PPM1E: variants seen among roughly 807,000 people sequenced by gnomAD.
PPM1E encodes the protein protein phosphatase 1E.
In PPM1E, 20 loss-of-function variants were observed where a neutral mutation model predicts 65.9. That is an observed-to-expected ratio of 0.30 (90% CI 0.21 to 0.44). The LOEUF (loss-of-function observed/expected upper bound fraction) is 0.44, where lower values mean the gene tolerates loss of function less well. PPM1E is among the 20% of genes least tolerant of loss of function. PPM1E has a pLI of 1.00. For missense variants in PPM1E, 713 were observed against 953.1 expected, an observed-to-expected ratio of 0.75 and a Z score of 3.32; for synonymous variants, 352 against 374.9, an observed-to-expected ratio of 0.94 and a Z score of 0.70.
intron 2 of PPM1E, among the ~76,000 whole-genome samples, chr17:58,956,178 C>G (rs769500704): frequency 6.6e-6 from 1 of 152,098 alleles, no homozygotes; most frequent in Non-Finnish European, 1.5e-5. Flanking sequence ...GGCTCACACC[C>G]GTAATCCCAG....
intron 1 of PPM1E, among the ~76,000 whole-genome samples, chr17:58,819,921 C>T (rs1567843343): frequency 6.6e-6 from 1 of 151,934 alleles, no homozygotes; most frequent in Non-Finnish European, 1.5e-5. Flanking sequence ...CCCGTAATCC[C>T]AGCTACTTGG....
chr17:58,883,251 C>G (rs973782096), intron 1 of PPM1E, among the ~76,000 whole-genome samples: 6 of 151,904 alleles, frequency 3.9e-5, no homozygotes, highest in African/African-American at 1.4e-4. Flanking sequence ...AGCCACCGCG[C>G]CCGGCCTGTT....
At chr17:58,785,213 T>C (rs1028352393) in intron 1 of PPM1E, 1 of 151,924 alleles carries the variant, frequency 6.6e-6, no homozygotes, top group Non-Finnish European at 1.5e-5. Flanking sequence ...TAGCACCATA[T>C]GTTGGAAAAA....
chr17:58,800,895 A>T (rs2050252387), intron 1 of PPM1E, among the ~76,000 whole-genome samples: 1 of 151,990 alleles, frequency 6.6e-6, no homozygotes, highest in South Asian at 2.1e-4. Flanking sequence ...TGGCTTTATT[A>T]ATTTTTTCTG....
At chr17:58,901,042 A>G (rs963805321) in intron 1 of PPM1E, among the ~76,000 whole-genome samples, 23 of 152,216 alleles carry the variant, frequency 1.5e-4, no homozygotes, top group Non-Finnish European at 7.3e-5. Flanking sequence ...GCTAGTAAGT[A>G]GCAGATCCAA....
At position 58,755,958 on chromosome 17, in the gene PPM1E, C is replaced by T. The variant is rs759812621; in HGVS notation, c.-40C>T. ...AGCCCCTTACCCTTCCTGGGCTTCC[C>T]CCAACCCCTTTCCCGGTCTGCCCTG... On this transcript the variant is annotated 5_prime_UTR_variant, in exon 1 of 7. Transcript: ENST00000308249. 2.7e-5 allele frequency: 43 copies of T among 1,613,022 alleles called. No individual in the cohort carries two copies. Among genetic ancestry groups the T allele is most frequent in the Middle Eastern group, 1.7e-4 (1 of 6,056 alleles).
intron 1 of PPM1E, among the ~76,000 whole-genome samples, chr17:58,901,069 A>C (rs554304196): frequency 1.3e-5 from 2 of 152,320 alleles, no homozygotes; most frequent in Non-Finnish European, 2.9e-5. Context: ...TCCAAAATCC[A>C]GGCTTTTACC....
chr17:58,755,931 G>A lies in PPM1E; in HGVS notation c.-67G>A. 6.3e-7 allele frequency: 1 copy of A among 1,599,476 alleles called. No individual in the cohort carries two copies. The highest frequency in any genetic ancestry group is 8.5e-7 in the Non-Finnish European group (1 of 1,172,430). On this transcript the variant is annotated 5_prime_UTR_variant, in exon 1 of 7. Transcript: ENST00000308249. Reference sequence around the variant, plus strand: ...CCTTGCCGGAGCCCTAGGCTCAAAAGCAGCCCCTTACCCTTCCTGGGCTTC... The same window carrying A: ...CCTTGCCGGAGCCCTAGGCTCAAAAACAGCCCCTTACCCTTCCTGGGCTTC...
Position 58,965,764 on chromosome 17 carries a change from A to G in PPM1E, c.654A>G (p.Lys218=), listed in dbSNP as rs1200891105. 7 of 1,613,982 alleles carry G rather than the reference A, an allele frequency of 4.3e-6. No individual in the cohort carries two copies. The highest frequency in any genetic ancestry group is 5.1e-6 in the Non-Finnish European group (6 of 1,180,024). ...KLHEICCSWV[K]DFPLRRRPQL... ...ACGAGATTTGCTGCAGCTGGGTGAAAGACTTCCCCCTCCGCAGGAGACCCC... is the reference window on the plus strand; with the variant it reads ...ACGAGATTTGCTGCAGCTGGGTGAAGGACTTCCCCCTCCGCAGGAGACCCC... Residue 218 remains lysine (K), a synonymous_variant, in exon 3 of 7, where the codon AAA becomes AAG. Transcript: ENST00000308249.
intron 1 of PPM1E, among the ~76,000 whole-genome samples, chr17:58,935,141 C>T (rs900946955): frequency 1.3e-5 from 2 of 150,572 alleles, no homozygotes; most frequent in Non-Finnish European, 3.0e-5. Context: ...ATCCCAGCTA[C>T]TCAGGAGGCT....
At chr17:58,973,769 G>C (rs1339639150) in intron 6 of PPM1E, among the ~76,000 whole-genome samples, 2 of 151,942 alleles carry the variant, frequency 1.3e-5, no homozygotes, top group Non-Finnish European at 2.9e-5. Flanking sequence ...TGGCTAACAC[G>C]ATGAATCCCC....
intron 1 of PPM1E, chr17:58,785,258 C>T (rs545003229): frequency 8.6e-5 from 13 of 150,710 alleles, no homozygotes; most frequent in African/African-American, 2.7e-4. Context: ...TCCTGGCACT[C>T]GAATTTTTAG....
chr17:58,956,350 T>C (rs902897321), intron 2 of PPM1E, among the ~76,000 whole-genome samples: 1 of 151,462 alleles, frequency 6.6e-6, no homozygotes, highest in African/African-American at 2.4e-5. Flanking sequence ...GCAAGTGAAT[T>C]GGTTGAACCC....
rs1457198558 is a variant in PPM1E, at chr17:58,972,124, G to A, written c.973-8G>A. On this transcript the variant is annotated splice_region_variant and splice_polypyrimidine_tract_variant and intron_variant, in intron 4 of 6. Transcript: ENST00000308249. Reference sequence around the variant, plus strand: ...CACTGAGTCTAGTTTTATTTAAACTGTTTTCAGAGCTTAAGATGTGGGACC... The same window carrying A: ...CACTGAGTCTAGTTTTATTTAAACTATTTTCAGAGCTTAAGATGTGGGACC... 6.2e-7 allele frequency: 1 copy of A among 1,609,836 alleles called. No homozygotes were observed.
At chr17:58,935,995 C>CA (rs2051975315) in intron 1 of PPM1E, among the ~76,000 whole-genome samples, 1 of 150,572 alleles carries the variant, frequency 6.6e-6, no homozygotes, top group East Asian at 2.0e-4. Context: ...CAACAGTCCT[C>CA]AGAGTGTGAT....
chr17:58,758,074 A>C (rs2049786227), intron 1 of PPM1E, among the ~76,000 whole-genome samples: 1 of 152,236 alleles, frequency 6.6e-6, no homozygotes, highest in African/African-American at 2.4e-5. Context: ...TTGACAGTTA[A>C]TTCTTACCTT....
chr17:58,892,606 TAATA>T (rs1341691221), intron 1 of PPM1E, among the ~76,000 whole-genome samples: 6 of 151,896 alleles, frequency 4.0e-5, no homozygotes, highest in African/African-American at 7.3e-5. Flanking sequence ...AATGATAAAA[TAATA>T]AATAAATTTC....
intron 1 of PPM1E, among the ~76,000 whole-genome samples, chr17:58,904,544 A>T (rs1447781439): frequency 6.6e-6 from 1 of 152,186 alleles, no homozygotes; most frequent in Non-Finnish European, 1.5e-5. Flanking sequence ...TCTGCAAAAT[A>T]ACTTGCTGGG....
chr17:58,883,824 A>C (rs1055502511), intron 1 of PPM1E, among the ~76,000 whole-genome samples: 2 of 152,144 alleles, frequency 1.3e-5, no homozygotes, highest in Non-Finnish European at 2.9e-5. Flanking sequence ...AATAAAAGCC[A>C]ATTGGGAAGC....
Sources: gnomAD v4.1 joint callset for allele counts (sites outside exome capture counted in the v4.1 genomes callset) on GRCh38, gnomAD v4.1.1 for gene constraint, MANE v1.5 for transcripts, NCBI Gene and HGNC (gene_info 2026-07-23, HGNC 2026-07-21) for gene names.